GPHN: variants seen among roughly 807,000 people sequenced by gnomAD.
GPHN encodes gephyrin.
Under a neutral mutation model 95.5 loss-of-function variants are expected in GPHN, and 17 were observed. The ratio of observed to expected loss-of-function variants is 0.18; its 90% CI spans 0.12 to 0.27. The LOEUF (loss-of-function observed/expected upper bound fraction) is 0.27. Among genes scored for constraint, GPHN ranks in the 10% least tolerant of loss-of-function variants. The pLI is 1.00. For synonymous variants in GPHN, 320 were observed against 322.5 expected, an observed-to-expected ratio of 0.99 and a Z score of 0.08; for missense variants, 660 against 978.1, an observed-to-expected ratio of 0.67 and a Z score of 4.34.
At chr14:67,257,451 G>T in the GPHN span, among the ~76,000 whole-genome samples, 3 of 152,134 alleles carry the variant, frequency 2.0e-5, no homozygotes, top group African/African-American at 7.2e-5. Context: ...CCTTGGCTTA[G>T]TGGTTTTGGG....
the GPHN span, among the ~76,000 whole-genome samples, chr14:67,644,341 G>A: frequency 6.6e-6 from 1 of 152,138 alleles, no homozygotes. Context: ...CACAGAAAAG[G>A]AAACTGAAAT....
At chr14:66,694,727 A>C (rs1595579807) in intron 2 of GPHN, among the ~76,000 whole-genome samples, 1 of 151,972 alleles carries the variant, frequency 6.6e-6, no homozygotes, top group African/African-American at 2.4e-5. Context: ...TTCATTAAAA[A>C]CTCTGCTCTA....
chr14:66,705,038 T>C (rs1194514989), intron 2 of GPHN, among the ~76,000 whole-genome samples: 1 of 152,214 alleles, frequency 6.6e-6, no homozygotes, highest in African/African-American at 2.4e-5. Flanking sequence ...TATAAACACC[T>C]CTAGGCAAAT....
the GPHN span, among the ~76,000 whole-genome samples, chr14:67,218,835 C>G: frequency 2.0e-5 from 3 of 151,828 alleles, no homozygotes; most frequent in Admixed American, 2.0e-4. Flanking sequence ...GGTGGGTTTT[C>G]CATGGATAAG....
chr14:67,193,522 G>T, the GPHN span, among the ~76,000 whole-genome samples: 8 of 137,628 alleles, frequency 5.8e-5, no homozygotes, highest in African/African-American at 1.1e-4. Context: ...TATATATCTA[G>T]ATATAGATCT....
chr14:66,587,156 A>C (rs534250727), intron 1 of GPHN, among the ~76,000 whole-genome samples: 2 of 152,306 alleles, frequency 1.3e-5, no homozygotes, highest in African/African-American at 4.8e-5. Flanking sequence ...GAGATCCTGG[A>C]AATGTACAAC....
chr14:67,662,142 C>T, the GPHN span, among the ~76,000 whole-genome samples: 5 of 150,166 alleles, frequency 3.3e-5, no homozygotes, highest in African/African-American at 7.4e-5. Context: ...GGCAACAGAG[C>T]GAGACTCTGT....
the GPHN span, among the ~76,000 whole-genome samples, chr14:67,590,653 C>T: frequency 7.2e-5 from 11 of 152,084 alleles, no homozygotes; most frequent in Admixed American, 6.5e-4. Context: ...GCCATGGTGC[C>T]GGGACCACAT....
chr14:67,314,331 T>C, the GPHN span, among the ~76,000 whole-genome samples: 2 of 152,248 alleles, frequency 1.3e-5, no homozygotes, highest in African/African-American at 4.8e-5. Flanking sequence ...GAGACTTTTC[T>C]GGGTACAAGA....
chr14:67,102,070 CA>C (rs1444014701), intron 13 of GPHN, among the ~76,000 whole-genome samples: 1 of 151,674 alleles, frequency 6.6e-6, no homozygotes, highest in Non-Finnish European at 1.5e-5. Flanking sequence ...GAGGGGATTT[CA>C]CCATGTTAGC....
intron 2 of GPHN, among the ~76,000 whole-genome samples, chr14:66,770,145 T>C (rs1306050298): frequency 6.6e-6 from 1 of 152,112 alleles, no homozygotes; most frequent in Non-Finnish European, 1.5e-5. Context: ...AGCATCTATT[T>C]ATATCCTTTG....
intron 2 of GPHN, among the ~76,000 whole-genome samples, chr14:66,745,021 G>A (rs1282516672): frequency 3.9e-5 from 6 of 152,044 alleles, no homozygotes; most frequent in Admixed American, 2.0e-4. Context: ...TAAGACAAAC[G>A]TGCCTTAAAA....
chr14:66,599,182 C>T (rs2062112954), intron 1 of GPHN, among the ~76,000 whole-genome samples: 1 of 151,804 alleles, frequency 6.6e-6, no homozygotes, highest in African/African-American at 2.4e-5. Flanking sequence ...TTCATTACTA[C>T]TGTTTTATTG....
chr14:66,659,097 A>G (rs978668323), intron 1 of GPHN, among the ~76,000 whole-genome samples: 5 of 151,732 alleles, frequency 3.3e-5, no homozygotes, highest in African/African-American at 1.2e-4. Flanking sequence ...GTATAGCACT[A>G]CTTTTCCTCT....
At chr14:66,523,687 T>C (rs1264402617) in intron 1 of GPHN, among the ~76,000 whole-genome samples, 1 of 152,104 alleles carries the variant, frequency 6.6e-6, no homozygotes, top group Non-Finnish European at 1.5e-5. Flanking sequence ...AGGGTTGTTG[T>C]GGTAAGTGAG....
At chr14:67,214,124 A>G in the GPHN span, among the ~76,000 whole-genome samples, 1 of 151,816 alleles carries the variant, frequency 6.6e-6, no homozygotes, top group Non-Finnish European at 1.5e-5. Context: ...TTGGCTGTTC[A>G]CTCTGATGTT....
intron 1 of GPHN, among the ~76,000 whole-genome samples, chr14:66,523,066 C>T (rs1221015418): frequency 6.6e-6 from 1 of 151,964 alleles, no homozygotes; most frequent in African/African-American, 2.4e-5. Flanking sequence ...TCATGTTTAC[C>T]ATTCCATCAT....
chr14:67,659,228 G>T, the GPHN span, among the ~76,000 whole-genome samples: 1 of 152,278 alleles, frequency 6.6e-6, no homozygotes, highest in Admixed American at 6.5e-5. Flanking sequence ...CCCTGCATTG[G>T]CTACTGTATC....
intron 1 of GPHN, among the ~76,000 whole-genome samples, chr14:66,597,465 C>T (rs1412658892): frequency 1.3e-5 from 2 of 152,132 alleles, no homozygotes; most frequent in South Asian, 2.1e-4. Flanking sequence ...CTGCCCCAAG[C>T]GTGCACATAC....
Sources: gnomAD v4.1 joint callset for allele counts (sites outside exome capture counted in the v4.1 genomes callset) on GRCh38, gnomAD v4.1.1 for gene constraint, MANE v1.5 for transcripts, NCBI Gene and HGNC (gene_info 2026-07-23, HGNC 2026-07-21) for gene names.